The following UPK1B variants were observed in gnomAD, a reference collection of about 807,000 sequenced individuals.
UPK1B encodes the protein uroplakin-1b.
A neutral mutation model predicts 34.2 loss-of-function variants in UPK1B; 28 were observed. That is an observed-to-expected ratio of 0.82 (90% CI 0.61 to 1.12). UPK1B has a LOEUF of 1.12. Ranked by LOEUF, UPK1B falls within the 50% of genes most tolerant of loss-of-function variation. UPK1B has a pLI of 0.00. For synonymous variants in UPK1B, 81 were observed against 110.4 expected (o/e 0.73, Z 1.67); for missense variants, 325 against 320.9 (o/e 1.01, Z -0.10).
chr3:119,198,535 G>A (rs933269108), intron 6 of UPK1B, among the ~76,000 whole-genome samples: 3 of 152,224 alleles, frequency 2.0e-5, no homozygotes, highest in African/African-American at 7.2e-5. Flanking sequence ...CTAGAATCCA[G>A]TAAAGATATG....
chr3:119,186,847 C>A, intron 2 of UPK1B, 37 bp downstream of exon 2: 1 of 1,590,570 alleles, frequency 6.3e-7, no homozygotes, highest in Non-Finnish European at 8.6e-7. Context: ...TTCTGCACTT[C>A]CTGTAATCAT....
intron 3 of UPK1B, 92 bp from the exon 4 acceptor site, chr3:119,190,153 A>G: frequency 1.0e-6 from 1 of 978,940 alleles, no homozygotes; most frequent in South Asian, 1.6e-5. Context: ...ACATGATTAT[A>G]TGATAAATTT....
At chr3:119,202,246 T>A (rs745818977) in intron 7 of UPK1B, among the ~76,000 whole-genome samples, 1 of 152,212 alleles carries the variant, frequency 6.6e-6, no homozygotes, top group Non-Finnish European at 1.5e-5. Flanking sequence ...TAATAAGAGC[T>A]CTTAAGCATG....
chr3:119,184,750 T>C (rs1193705794), intron 1 of UPK1B, among the ~76,000 whole-genome samples: 1 of 152,000 alleles, frequency 6.6e-6, no homozygotes. Context: ...ATAATAAAAA[T>C]AAACTTCTTG....
chr3:119,203,328 G>A (rs537401546), intron 7 of UPK1B, among the ~76,000 whole-genome samples: 44 of 91,718 alleles, frequency 4.8e-4, no homozygotes, highest in Non-Finnish European at 6.9e-4. Flanking sequence ...GCGACAGAGC[G>A]AAACTCCGTC....
At position 119,173,606 on chromosome 3, in the gene UPK1B, G is replaced by T. The variant is rs1054203411; in HGVS notation, c.-61G>T. The T allele has an allele frequency of 6.6e-6, 1 of 152,290 alleles. No homozygotes were observed. The highest frequency in any genetic ancestry group is 2.1e-4 in the South Asian group (1 of 4,830). The allele number at this position is 152,290 out of a possible 1,614,324, so 9.4% of individuals were successfully genotyped here. A position where few individuals can be genotyped will look rare whatever the true frequency, so the allele number is the denominator to read the frequency against. ...TGGGTCGGGTGCAGACTGCGGAGCG[G>T]GCCCTACCGTGTGCGCAGAAAGAGG... On this transcript the variant is annotated 5_prime_UTR_variant, in exon 1 of 8. Transcript: ENST00000264234.
chr3:119,186,377 C>T (rs111499876), intron 1 of UPK1B, among the ~76,000 whole-genome samples: 21 of 152,280 alleles, frequency 1.4e-4, no homozygotes, highest in African/African-American at 5.1e-4. Flanking sequence ...ATGCCAGGGA[C>T]CCTCAGTGTG....
chr3:119,188,102 G>C, intron 3 of UPK1B, 127 bp downstream of exon 3: 1 of 994,170 alleles, frequency 1.0e-6, no homozygotes, highest in Admixed American at 2.0e-5. Context: ...GTGAGGAGGG[G>C]AAGACTTTCC....
At chr3:119,185,041 A>G (rs974163605) in intron 1 of UPK1B, among the ~76,000 whole-genome samples, 4 of 152,252 alleles carry the variant, frequency 2.6e-5, no homozygotes, top group Admixed American at 6.5e-5. Context: ...ACACGCAACA[A>G]TAACTGGAAA....
chr3:119,197,973 A>T (rs12634868), intron 6 of UPK1B, among the ~76,000 whole-genome samples: 8,349 of 152,246 alleles, frequency 0.055, 299 homozygotes, highest in South Asian at 0.12. Context: ...CTTAAGTGGG[A>T]GCAGGCCCAG....
At chr3:119,189,810 T>C (rs560457047) in intron 3 of UPK1B, among the ~76,000 whole-genome samples, 1 of 152,262 alleles carries the variant, frequency 6.6e-6, no homozygotes, top group East Asian at 1.9e-4. Flanking sequence ...TCTCCAAAAT[T>C]CCAAAATTAA....
At chr3:119,199,350 C>G (rs931903695) in intron 7 of UPK1B, among the ~76,000 whole-genome samples, 1 of 152,204 alleles carries the variant, frequency 6.6e-6, no homozygotes, top group African/African-American at 2.4e-5. Context: ...AAAGGCTGTG[C>G]CCTGCCAACC....
chr3:119,201,823 A>C (rs1241493771), intron 7 of UPK1B, among the ~76,000 whole-genome samples: 1 of 152,198 alleles, frequency 6.6e-6, no homozygotes, highest in African/African-American at 2.4e-5. Flanking sequence ...CAAAAAGCTG[A>C]GAACTAGCTG....
intron 6 of UPK1B, among the ~76,000 whole-genome samples, chr3:119,196,822 G>A (rs370157049): frequency 7.9e-5 from 12 of 152,038 alleles, no homozygotes; most frequent in African/African-American, 1.9e-4. Context: ...AAAGGAGTGA[G>A]CCACCGTGCC....
intron 6 of UPK1B, among the ~76,000 whole-genome samples, chr3:119,196,993 C>A (rs2078070654): frequency 1.3e-5 from 2 of 150,354 alleles, no homozygotes. Context: ...AGGCATGTAC[C>A]ACCAGGCCTG....
At chr3:119,183,423 G>A (rs761388161) in intron 1 of UPK1B, among the ~76,000 whole-genome samples, 8 of 152,042 alleles carry the variant, frequency 5.3e-5, no homozygotes, top group Middle Eastern at 3.4e-3. Flanking sequence ...CACCATGCTC[G>A]GCTAATTTTT....
chr3:119,187,854 C>G lies in UPK1B; in HGVS notation c.149C>G (p.Thr50Ser). 6.2e-7 allele frequency: 1 copy of G among 1,614,114 alleles called. No homozygotes were observed. The highest frequency in any genetic ancestry group is 8.5e-7 in the Non-Finnish European group (1 of 1,180,026). Reference protein sequence around the residue: ...QHSLYPLLEATDNDDIYGAAW... With the variant: ...QHSLYPLLEASDNDDIYGAAW... ...AGCCTCTACCCACTGCTTGAAGCCA[C>G]CGACAACGATGACATCTATGGGGCT... The change falls in exon 3 of 8, where the codon ACC becomes AGC. Residue 50 changes from threonine to serine, a missense_variant. Coordinates refer to ENST00000264234, the MANE Select transcript of UPK1B (RefSeq NM_006952.4).
chr3:119,176,450 C>A (rs1033642250), intron 1 of UPK1B, among the ~76,000 whole-genome samples: 1 of 151,894 alleles, frequency 6.6e-6, no homozygotes, highest in Non-Finnish European at 1.5e-5. Flanking sequence ...AGTGAAAGCA[C>A]AATAAAGAAA....
intron 6 of UPK1B, 78 bp from the exon 7 acceptor site, chr3:119,198,979 A>C: frequency 6.6e-7 from 1 of 1,519,712 alleles, no homozygotes; most frequent in South Asian, 1.2e-5. Context: ...TGATTCCAAT[A>C]GGAACCTGCT....
Sources: gnomAD v4.1 joint callset for allele counts (sites outside exome capture counted in the v4.1 genomes callset) on GRCh38, gnomAD v4.1.1 for gene constraint, MANE v1.5 for transcripts, NCBI Gene and HGNC (gene_info 2026-07-23, HGNC 2026-07-21) for gene names.